ITPR2: variants seen among roughly 807,000 people sequenced by gnomAD.
The protein encoded by ITPR2 is inositol 1,4,5-trisphosphate-gated calcium channel ITPR2.
In ITPR2, 207 loss-of-function variants were observed where a neutral mutation model predicts 317.1. The ratio of observed to expected loss-of-function variants is 0.65; its 90% CI spans 0.58 to 0.73. The LOEUF is 0.73. Among genes scored for constraint, ITPR2 ranks in the 30% least tolerant of loss-of-function variants. The pLI is 0.00. For missense variants in ITPR2, 2,613 were observed against 3,284.0 expected (o/e 0.80, Z 4.99); for synonymous variants, 1,156 against 1,149.1 (o/e 1.01, Z -0.12).
chr12:26,664,359 G>A (rs1267609552), intron 14 of ITPR2, among the ~76,000 whole-genome samples: 1 of 152,162 alleles, frequency 6.6e-6, no homozygotes, highest in Non-Finnish European at 1.5e-5. Flanking sequence ...CAAAGATGTG[G>A]CCAAATCGAT....
intron 37 of ITPR2, among the ~76,000 whole-genome samples, chr12:26,525,531 G>A (rs1943788737): frequency 1.3e-5 from 2 of 152,148 alleles, no homozygotes; most frequent in Non-Finnish European, 2.9e-5. Context: ...TTGACTGACT[G>A]TAAGGTGAAT....
At chr12:26,499,537 A>T (rs2136886122) in intron 37 of ITPR2, among the ~76,000 whole-genome samples, 1 of 152,350 alleles carries the variant, frequency 6.6e-6, no homozygotes, top group East Asian at 1.9e-4. Flanking sequence ...TTTCTGTGAT[A>T]ATTAAATAGT....
chr12:26,496,922 C>T (rs575245556), intron 37 of ITPR2, among the ~76,000 whole-genome samples: 11 of 144,240 alleles, frequency 7.6e-5, no homozygotes, highest in Non-Finnish European at 1.1e-4. Flanking sequence ...CCAGCCTGGG[C>T]GACAGAGCGA....
At chr12:26,720,949 G>A (rs541861401) in intron 5 of ITPR2, among the ~76,000 whole-genome samples, 5 of 152,058 alleles carry the variant, frequency 3.3e-5, no homozygotes, top group African/African-American at 9.7e-5. Flanking sequence ...CATTCCTTCC[G>A]AGCTTGAGCT....
chr12:26,513,764 ACACAC>A (rs1943418641), intron 37 of ITPR2, among the ~76,000 whole-genome samples: 1 of 151,792 alleles, frequency 6.6e-6, no homozygotes, highest in African/African-American at 2.4e-5. Flanking sequence ...ACACACACAC[ACACAC>A]ACACACACAT....
intron 54 of ITPR2, among the ~76,000 whole-genome samples, chr12:26,390,436 G>C (rs1939798115): frequency 6.6e-6 from 1 of 152,178 alleles, no homozygotes; most frequent in Non-Finnish European, 1.5e-5. Flanking sequence ...AAGGAACGAA[G>C]TACTGATACC....
chr12:26,817,244 G>A (rs921799897), intron 1 of ITPR2, among the ~76,000 whole-genome samples: 1 of 146,342 alleles, frequency 6.8e-6, no homozygotes, highest in Non-Finnish European at 1.5e-5. Flanking sequence ...AAGGAGAAAC[G>A]ACACAAGATG....
intron 37 of ITPR2, among the ~76,000 whole-genome samples, chr12:26,534,040 T>TCC (rs1944016713): frequency 6.6e-6 from 1 of 152,180 alleles, no homozygotes; most frequent in Admixed American, 6.5e-5. Context: ...CCCTGGCATC[T>TCC]AATCCCTGAT....
chr12:26,740,953 T>G (rs189032361), intron 2 of ITPR2, among the ~76,000 whole-genome samples: 2 of 152,374 alleles, frequency 1.3e-5, no homozygotes, highest in African/African-American at 4.8e-5. Context: ...GACCAGAGAA[T>G]GAGAATGGGC....
chr12:26,642,531 C>T (rs1278635221), intron 21 of ITPR2, among the ~76,000 whole-genome samples: 1 of 152,232 alleles, frequency 6.6e-6, no homozygotes, highest in Non-Finnish European at 1.5e-5. Flanking sequence ...GCCTCTCAAC[C>T]CTTGGCTTCC....
intron 5 of ITPR2, among the ~76,000 whole-genome samples, chr12:26,717,924 T>C (rs1319634668): frequency 2.0e-5 from 3 of 152,202 alleles, no homozygotes; most frequent in African/African-American, 7.2e-5. Flanking sequence ...ACACGTGCTG[T>C]TGCACATGAC....
In ITPR2 at chr12:26,622,408, A is replaced by G; in HGVS notation, c.3123-3T>C. The G allele has an allele frequency of 6.3e-7, 1 of 1,596,282 alleles. No homozygotes were observed. Among genetic ancestry groups the G allele is most frequent in the Non-Finnish European group, 8.5e-7 (1 of 1,172,560 alleles). On this transcript the variant is annotated splice_region_variant and splice_polypyrimidine_tract_variant and intron_variant, in intron 24 of 56. Coordinates refer to ENST00000381340, the MANE Select transcript of ITPR2 (RefSeq NM_002223.4). ...GTTGAACTGGATTTTTTTCTTTTCT[A>G]TAAAACCAAAAACATTTCTAAAGTG...
intron 1 of ITPR2, among the ~76,000 whole-genome samples, chr12:26,813,102 AATT>A (rs1219553661): frequency 6.6e-6 from 1 of 152,212 alleles, no homozygotes; most frequent in South Asian, 2.1e-4. Context: ...ATATTATGTT[AATT>A]ATTAATTATA....
At chr12:26,671,281 G>A (rs1269865987) in intron 13 of ITPR2, among the ~76,000 whole-genome samples, 1 of 152,304 alleles carries the variant, frequency 6.6e-6, no homozygotes, top group African/African-American at 2.4e-5. Context: ...AGGAAAAAAT[G>A]TTAAGGGCAG....
intron 39 of ITPR2, among the ~76,000 whole-genome samples, chr12:26,491,419 T>C (rs1264371984): frequency 7.3e-6 from 1 of 137,660 alleles, no homozygotes; most frequent in Non-Finnish European, 1.5e-5. Flanking sequence ...GGAGGCGGAG[T>C]TTGCAGTGAG....
chr12:26,773,554 T>C (rs558356827), intron 2 of ITPR2, among the ~76,000 whole-genome samples: 7 of 152,298 alleles, frequency 4.6e-5, no homozygotes, highest in Admixed American at 3.3e-4. Flanking sequence ...AGGGAGACAA[T>C]TGAATCTCAC....
chr12:26,423,848 C>T (rs576798036), intron 49 of ITPR2, among the ~76,000 whole-genome samples: 2 of 152,034 alleles, frequency 1.3e-5, no homozygotes, highest in Non-Finnish European at 2.9e-5. Flanking sequence ...TCAAATATTG[C>T]GATCACTTCT....
intron 6 of ITPR2, 64 bp from the exon 7 acceptor site, chr12:26,715,899 A>G: frequency 8.8e-7 from 1 of 1,134,670 alleles, no homozygotes; most frequent in Non-Finnish European, 1.3e-6. Flanking sequence ...AGAAATTATT[A>G]GTTCAACTAG....
At chr12:26,702,431 CT>C (rs11316603) in intron 9 of ITPR2, among the ~76,000 whole-genome samples, 33,415 of 97,220 alleles carry the variant, frequency 0.34, 6,035 homozygotes, top group East Asian at 0.64. Context: ...TTTTTTTTTT[CT>C]TTTTTTTTTT....
Sources: gnomAD v4.1 joint callset for allele counts (sites outside exome capture counted in the v4.1 genomes callset) on GRCh38, gnomAD v4.1.1 for gene constraint, MANE v1.5 for transcripts, NCBI Gene and HGNC (gene_info 2026-07-23, HGNC 2026-07-21) for gene names.